IL1RAPL1: variants seen among roughly 807,000 people sequenced by gnomAD.
IL1RAPL1 encodes interleukin 1 receptor accessory protein like 1.
In IL1RAPL1, 3 loss-of-function variants were observed where a neutral mutation model predicts 48.4. The ratio of observed to expected loss-of-function variants is 0.06; its 90% CI spans 0.03 to 0.16. IL1RAPL1 has a LOEUF of 0.16. Among genes scored for constraint, IL1RAPL1 ranks in the 10% least tolerant of loss-of-function variants. IL1RAPL1 has a pLI of 1.00. For synonymous variants in IL1RAPL1, 185 were observed against 187.7 expected (o/e 0.99, Z 0.12); for missense variants, 349 against 530.6 (o/e 0.66, Z 3.36).
intron 5 of IL1RAPL1, among the ~76,000 whole-genome samples, chrX:29,460,422 G>A (rs1364381525): frequency 1.8e-5 from 2 of 111,943 alleles, no homozygotes; most frequent in Admixed American, 9.5e-5. Context: ...TTAGCCTGTG[G>A]TTGGGCAATT....
chrX:29,402,603 A>G (rs5928842), intron 5 of IL1RAPL1, among the ~76,000 whole-genome samples: 41,457 of 110,295 alleles, frequency 0.38, 6,368 homozygotes, highest in Middle Eastern at 0.54. Flanking sequence ...TTAATATGGT[A>G]TATTCGTTAT....
intron 5 of IL1RAPL1, among the ~76,000 whole-genome samples, chrX:29,637,269 TTATATA>T (rs1924999663): frequency 1.1e-5 from 1 of 92,093 alleles, no homozygotes; most frequent in Admixed American, 1.2e-4. Flanking sequence ...ATCTCTTATG[TTATATA>T]TATAACATAT....
chrX:29,822,825 G>A (rs147903518), intron 6 of IL1RAPL1, among the ~76,000 whole-genome samples: 2 of 111,511 alleles, frequency 1.8e-5, no homozygotes, highest in African/African-American at 6.5e-5. Context: ...AAATATGCAG[G>A]TAATAACAAT....
At chrX:29,741,142 A>G (rs141594422) in intron 6 of IL1RAPL1, among the ~76,000 whole-genome samples, 8,090 of 112,227 alleles carry the variant, frequency 0.072, 301 homozygotes, top group Middle Eastern at 0.24. Flanking sequence ...GACTGTGGAG[A>G]TTAGATATTA....
intron 6 of IL1RAPL1, among the ~76,000 whole-genome samples, chrX:29,671,509 A>G (rs1388981848): frequency 8.9e-6 from 1 of 112,390 alleles, no homozygotes; most frequent in African/African-American, 3.2e-5. Context: ...TGGCAACTGT[A>G]TGTTATTTCT....
intron 2 of IL1RAPL1, among the ~76,000 whole-genome samples, chrX:29,111,214 C>G (rs1928558524): frequency 9.0e-6 from 1 of 111,540 alleles, no homozygotes; most frequent in Non-Finnish European, 1.9e-5. Context: ...CCCTATCTTG[C>G]AAAGATAACT....
At chrX:29,281,288 T>C (rs1932198023) in intron 2 of IL1RAPL1, among the ~76,000 whole-genome samples, 2 of 111,745 alleles carry the variant, frequency 1.8e-5, no homozygotes, top group South Asian at 3.8e-4. Context: ...TAATGCCAAA[T>C]TGATTTTCTT....
chrX:28,658,466 C>G (rs751250066), intron 1 of IL1RAPL1, among the ~76,000 whole-genome samples: 4 of 111,590 alleles, frequency 3.6e-5, no homozygotes, highest in Non-Finnish European at 5.6e-5. Flanking sequence ...ATCCGCCTGC[C>G]TTGGCCTCCC....
intron 3 of IL1RAPL1, chrX:29,369,074 T>G (rs1933508435): frequency 9.0e-6 from 1 of 111,543 alleles, no homozygotes; most frequent in South Asian, 3.8e-4. Flanking sequence ...ACAGAAAACT[T>G]CTGACTCTGG....
chrX:29,780,490 C>T (rs920820611), intron 6 of IL1RAPL1, among the ~76,000 whole-genome samples: 3 of 111,226 alleles, frequency 2.7e-5, no homozygotes, highest in Non-Finnish European at 3.8e-5. Context: ...ATCAGCTTCT[C>T]ACCTCCATTC....
At chrX:29,608,136 T>A (rs1923953607) in intron 5 of IL1RAPL1, among the ~76,000 whole-genome samples, 1 of 112,149 alleles carries the variant, frequency 8.9e-6, no homozygotes, top group African/African-American at 3.2e-5. Context: ...AGATGTCCCC[T>A]CTTTCCACAT....
intron 2 of IL1RAPL1, among the ~76,000 whole-genome samples, chrX:29,141,209 A>ATT (rs1288497173): frequency 1.4e-4 from 15 of 109,355 alleles, no homozygotes; most frequent in Non-Finnish European, 5.7e-5. Context: ...CTATTATGAG[A>ATT]TTATATATAT....
chrX:29,311,483 ACAACC>A (rs1470886137), intron 3 of IL1RAPL1, among the ~76,000 whole-genome samples: 6 of 112,186 alleles, frequency 5.3e-5, no homozygotes, highest in African/African-American at 1.9e-4. Context: ...TGCAGTTAAC[ACAACC>A]CAGTAGATCT....
chrX:28,649,070 G>T (rs745438774), intron 1 of IL1RAPL1, among the ~76,000 whole-genome samples: 2 of 112,114 alleles, frequency 1.8e-5, no homozygotes, highest in South Asian at 7.4e-4. Context: ...TCATTTGTCT[G>T]TATCTCCATT....
At chrX:28,999,646 T>G (rs903274289) in intron 2 of IL1RAPL1, among the ~76,000 whole-genome samples, 1 of 112,120 alleles carries the variant, frequency 8.9e-6, no homozygotes, top group Non-Finnish European at 1.9e-5. Flanking sequence ...AACATTCATT[T>G]CCATCAAGAT....
At chrX:29,575,244 T>A (rs1922736687) in intron 5 of IL1RAPL1, among the ~76,000 whole-genome samples, 1 of 111,941 alleles carries the variant, frequency 8.9e-6, no homozygotes, top group African/African-American at 3.3e-5. Flanking sequence ...TATGTGTATA[T>A]ATCAGAGGAA....
At chrX:29,608,562 T>C (rs143513426) in intron 5 of IL1RAPL1, among the ~76,000 whole-genome samples, 2,856 of 110,812 alleles carry the variant, frequency 0.026, 40 homozygotes, top group Non-Finnish European at 0.028. Flanking sequence ...CGCGGTGGCT[T>C]ATGCCTGTAA....
intron 2 of IL1RAPL1, among the ~76,000 whole-genome samples, chrX:28,955,006 C>T (rs1924566206): frequency 1.8e-5 from 2 of 111,975 alleles, no homozygotes; most frequent in African/African-American, 6.5e-5. Context: ...CCATTTAAAG[C>T]ATATTAACCT....
At chrX:29,919,572 C>T (rs1281227334) in intron 7 of IL1RAPL1, among the ~76,000 whole-genome samples, 1 of 112,347 alleles carries the variant, frequency 8.9e-6, no homozygotes, top group Non-Finnish European at 1.9e-5. Flanking sequence ...AAAAAATTAA[C>T]CTGACATGTA....
Sources: gnomAD v4.1 joint callset for allele counts (sites outside exome capture counted in the v4.1 genomes callset) on GRCh38, gnomAD v4.1.1 for gene constraint, MANE v1.5 for transcripts, NCBI Gene and HGNC (gene_info 2026-07-23, HGNC 2026-07-21) for gene names.